The following EIF2B3 variants were observed in gnomAD, a reference collection of about 807,000 sequenced individuals.
EIF2B3 encodes the protein translation initiation factor eIF2B subunit gamma.
EIF2B3 carries 20 observed loss-of-function variants against 54.1 expected under a neutral mutation model. That is an observed-to-expected ratio of 0.37 (90% CI 0.26 to 0.54). The LOEUF is 0.54. Ranked by LOEUF, EIF2B3 falls within the 20% of genes least tolerant of loss-of-function variation. The pLI is 0.86. For missense variants in EIF2B3, 448 were observed against 547.8 expected, an observed-to-expected ratio of 0.82 and a Z score of 1.82; for synonymous variants, 153 against 188.1, an observed-to-expected ratio of 0.81 and a Z score of 1.52.
At chr1:44,966,438 C>CAAAAA (rs60200568) in intron 3 of EIF2B3, among the ~76,000 whole-genome samples, 7 of 85,892 alleles carry the variant, frequency 8.1e-5, no homozygotes, top group African/African-American at 1.3e-4. Context: ...GACTCTGTCT[C>CAAAAA]AAAAAAAAAA....
At chr1:44,876,588 C>A (rs1274650674) in intron 8 of EIF2B3, among the ~76,000 whole-genome samples, 3 of 8,814 alleles carry the variant, frequency 3.4e-4, no homozygotes, top group South Asian at 3.6e-3. Flanking sequence ...GTCAGCCCCC[C>A]ACCCGGCCAG....
At chr1:44,877,219 A>C (rs1352131255) in intron 8 of EIF2B3, among the ~76,000 whole-genome samples, 3 of 150,510 alleles carry the variant, frequency 2.0e-5, no homozygotes, top group African/African-American at 4.9e-5. Flanking sequence ...AAAAAAAAAA[A>C]AAACACCTTA....
Position 44,942,430 on chromosome 1 carries a change from T to A in EIF2B3, c.295-765A>T, listed in dbSNP as rs1259086684. ...ATATATATATATATTTTTTTTTTTT[T>A]TTTTTTTTTTTTTTCCAGACAGGGT... On this transcript the variant is annotated intron_variant, in intron 3 of 11. Transcript: ENST00000360403. Among the ~76,000 whole-genome samples, 8 of 65,724 alleles carry A rather than the reference T, an allele frequency of 1.2e-4. 1 individual carries two copies. The highest frequency in any genetic ancestry group is 3.2e-4 in the African/African-American group (5 of 15,740). The allele number at this position is 65,724 out of a possible 152,430, so 43.1% of individuals were successfully genotyped here.
intron 8 of EIF2B3, among the ~76,000 whole-genome samples, chr1:44,877,224 A>AAAAAAAAAC (rs1205066975): frequency 6.9e-6 from 1 of 143,918 alleles, no homozygotes; most frequent in African/African-American, 2.7e-5. Context: ...AAAAAAAAAC[A>AAAAAAAAAC]CCTTAGGTAG....
chr1:44,895,777 G>A (rs1426590432), intron 6 of EIF2B3, among the ~76,000 whole-genome samples: 1 of 152,062 alleles, frequency 6.6e-6, no homozygotes, highest in Non-Finnish European at 1.5e-5. Flanking sequence ...ACTGTGTGAT[G>A]GATACATGGG....
At chr1:44,870,921 T>C (rs1457802357) in intron 10 of EIF2B3, among the ~76,000 whole-genome samples, 2 of 152,208 alleles carry the variant, frequency 1.3e-5, no homozygotes, top group African/African-American at 4.8e-5. Flanking sequence ...GTGCTGGGAC[T>C]ACAGGCATGA....
At chr1:44,959,051 A>G (rs532219668) in intron 3 of EIF2B3, 2 of 749,044 alleles carry the variant, frequency 2.7e-6, no homozygotes, top group East Asian at 2.5e-5. Flanking sequence ...AAACTTATGG[A>G]ACGCCATCTT....
At position 44,878,695 on chromosome 1, in the gene EIF2B3, C is replaced by T. The variant is rs28569097; in HGVS notation, c.975+1123G>A. On this transcript the variant is annotated intron_variant, in intron 8 of 11. Transcript: ENST00000360403. ...ATAACTAATCTTTTCATTATCTCACCTCTGTTATCCTTGAATGCCACCCCA... is the reference window on the plus strand; with the variant it reads ...ATAACTAATCTTTTCATTATCTCACTTCTGTTATCCTTGAATGCCACCCCA... Among the ~76,000 whole-genome samples the T allele has an allele frequency of 4.6e-3, 703 of 152,098 alleles. 4 individuals carry two copies. Among genetic ancestry groups the T allele is most frequent in the African/African-American group, 0.016 (671 of 41,464 alleles).
chr1:44,858,398 A>T (rs1441621741), intron 10 of EIF2B3, among the ~76,000 whole-genome samples: 1 of 152,122 alleles, frequency 6.6e-6, no homozygotes, highest in African/African-American at 2.4e-5. Flanking sequence ...TCCTCCTAGG[A>T]CATCAACTCT....
chr1:44,944,140 T>C, intron 3 of EIF2B3, among the ~76,000 whole-genome samples: 1 of 151,736 alleles, frequency 6.6e-6, no homozygotes, highest in East Asian at 1.9e-4. Flanking sequence ...CAAGACTCTA[T>C]CTCCAAAGAA....
intron 5 of EIF2B3, among the ~76,000 whole-genome samples, chr1:44,918,360 G>A (rs938132369): frequency 6.6e-6 from 1 of 151,844 alleles, no homozygotes; most frequent in Non-Finnish European, 1.5e-5. Context: ...GGGATTATAG[G>A]AGTGAGCCTC....
At chr1:44,899,112 C>T (rs914539312) in intron 5 of EIF2B3, among the ~76,000 whole-genome samples, 5 of 152,208 alleles carry the variant, frequency 3.3e-5, no homozygotes, top group Non-Finnish European at 7.3e-5. Context: ...TGAGCCACTG[C>T]ATTCAGCCTA....
At chr1:44,922,836 A>AGTTTTTTTT (rs1643776898) in intron 5 of EIF2B3, among the ~76,000 whole-genome samples, 1 of 56,642 alleles carries the variant, frequency 1.8e-5, no homozygotes, top group South Asian at 9.1e-4. Context: ...TCTTTTTCAG[A>AGTTTTTTTT]TTTTTTTTTT....
At chr1:44,965,157 GA>G (rs1644324442) in intron 3 of EIF2B3, among the ~76,000 whole-genome samples, 1 of 152,176 alleles carries the variant, frequency 6.6e-6, no homozygotes, top group Non-Finnish European at 1.5e-5. Context: ...TCCACTTAGA[GA>G]AAGAGATCAA....
At chr1:44,869,006 A>G (rs1476883177) in intron 10 of EIF2B3, among the ~76,000 whole-genome samples, 1 of 152,184 alleles carries the variant, frequency 6.6e-6, no homozygotes, top group African/African-American at 2.4e-5. Context: ...TGAAGTTCCA[A>G]TTTCTTCTAA....
intron 10 of EIF2B3, among the ~76,000 whole-genome samples, chr1:44,865,932 A>G (rs1171171319): frequency 6.6e-6 from 1 of 152,020 alleles, no homozygotes; most frequent in Non-Finnish European, 1.5e-5. Flanking sequence ...ATAATCATGT[A>G]CAATATTTTT....
intron 1 of EIF2B3, among the ~76,000 whole-genome samples, chr1:44,983,916 C>T (rs1379629961): frequency 6.6e-6 from 1 of 151,988 alleles, no homozygotes; most frequent in Non-Finnish European, 1.5e-5. Flanking sequence ...CCATGTTGGC[C>T]AGGCTGGTCT....
rs1260267625 is a variant in EIF2B3 at position 44,941,597 on chromosome 1, A to G, written c.363T>C (p.Phe121=). ...DVALHEVVDL[F]RAYDASLAML... is the part of the protein sequence containing the mutation. ...TAGCAAGTGATGCATCATAAGCTCT[A>G]AACAGGTCCACAACCTCATGTAAGG... is the stretch of plus-strand genomic sequence containing the variant. The change falls in exon 4 of 12, where the codon TTT becomes TTC. Residue 121 remains phenylalanine (F), a synonymous_variant. Coordinates refer to ENST00000360403, the MANE Select transcript of EIF2B3 (RefSeq NM_020365.5). 1 of 1,614,006 alleles carries G rather than the reference A, an allele frequency of 6.2e-7. No homozygotes were observed. The highest frequency in any genetic ancestry group is 8.5e-7 in the Non-Finnish European group (1 of 1,180,022).
intron 8 of EIF2B3, among the ~76,000 whole-genome samples, chr1:44,876,895 C>T (rs181135755): frequency 2.9e-5 from 4 of 137,376 alleles, no homozygotes; most frequent in Non-Finnish European, 4.6e-5. Context: ...TGCGACCTTA[C>T]CCCCAACCCT....
Sources: allele counts gnomAD v4.1 joint callset (sites outside exome capture counted in the v4.1 genomes callset), GRCh38; gene constraint gnomAD v4.1.1; transcripts MANE v1.5; gene names NCBI Gene and HGNC (gene_info 2026-07-23, HGNC 2026-07-21).